PHLPP1: variants seen among roughly 807,000 people sequenced by gnomAD.
PHLPP1 encodes the protein PH domain leucine-rich repeat-containing protein phosphatase 1.
PHLPP1 carries 42 observed loss-of-function variants against 117.2 expected under a neutral mutation model. The ratio of observed to expected loss-of-function variants is 0.36; its 90% CI spans 0.28 to 0.46. PHLPP1 has a LOEUF of 0.46. PHLPP1 is among the 20% of genes least tolerant of loss of function. PHLPP1 has a pLI of 1.00. For missense variants in PHLPP1, 2,084 were observed against 2,241.9 expected, an observed-to-expected ratio of 0.93 and a Z score of 1.42; for synonymous variants, 1,042 against 970.7, an observed-to-expected ratio of 1.07 and a Z score of -1.37.
At chr18:62,840,540 T>G (rs1438013724) in intron 3 of PHLPP1, among the ~76,000 whole-genome samples, 1 of 152,252 alleles carries the variant, frequency 6.6e-6, no homozygotes, top group East Asian at 1.9e-4. Context: ...ATCATTTTTA[T>G]TGTGCTTTTG....
chr18:62,883,904 G>C (rs902397618), intron 4 of PHLPP1, among the ~76,000 whole-genome samples: 1 of 152,082 alleles, frequency 6.6e-6, no homozygotes, highest in Admixed American at 6.5e-5. Flanking sequence ...AAAAATCTTT[G>C]AATTTTCAGA....
intron 14 of PHLPP1, among the ~76,000 whole-genome samples, chr18:62,965,122 G>A (rs1403830139): frequency 1.3e-5 from 2 of 152,136 alleles, no homozygotes; most frequent in Non-Finnish European, 2.9e-5. Flanking sequence ...AGTAGTCCCA[G>A]GCTATGCTTG....
chr18:62,849,818 A>T lies in PHLPP1; in HGVS notation c.1900-10617A>T, dbSNP rs1428302709. ...TCTACAAAAAAAAAAAAAAAAAAAA[A>T]AAAAAAAAAAAAAAATATATATATC... On this transcript the variant is annotated intron_variant, in intron 3 of 16. Transcript: ENST00000262719. Among the ~76,000 whole-genome samples the T allele has an allele frequency of 3.7e-3, 166 of 45,012 alleles. 2 individuals carry two copies. Among genetic ancestry groups the T allele is most frequent in the African/African-American group, 0.014 (153 of 11,156 alleles). 29.5% of individuals were successfully genotyped at this position (45,012 alleles called of 152,430 possible).
intron 4 of PHLPP1, among the ~76,000 whole-genome samples, chr18:62,870,780 A>G (rs1305575829): frequency 6.6e-6 from 1 of 152,234 alleles, no homozygotes. Context: ...ATTTGCACCA[A>G]CATTCTAAAT....
At chr18:62,912,311 A>G (rs932759153) in intron 8 of PHLPP1, among the ~76,000 whole-genome samples, 1 of 146,856 alleles carries the variant, frequency 6.8e-6, no homozygotes, top group African/African-American at 2.5e-5. Context: ...ATAAAAAAAA[A>G]AAATTAAAAA....
At position 62,895,882 on chromosome 18, in the gene PHLPP1, T is replaced by G. The variant is rs137922940; in HGVS notation, c.2315T>G (p.Phe772Cys). The G allele has an allele frequency of 1.2e-6, 2 of 1,613,232 alleles. No individual in the cohort carries two copies. The highest frequency in any genetic ancestry group is 1.3e-5 in the African/African-American group (1 of 75,046). ...LSYLGLSFNE[F>C]TDIPEVLEKL... ...TATCTGGGTCTTTCTTTCAATGAAT[T>G]TACTGACATTCCCGAAGTATTGGAG... Residue 772 changes from phenylalanine to cysteine, a missense_variant, in exon 6 of 17, where the codon TTT becomes TGT. Phe to Cys is a radical substitution (Grantham distance 205). Coordinates refer to ENST00000262719, the MANE Select transcript of PHLPP1 (RefSeq NM_194449.4).
chr18:62,971,951 G>A (rs548895849), intron 14 of PHLPP1, among the ~76,000 whole-genome samples: 7 of 152,134 alleles, frequency 4.6e-5, no homozygotes, highest in South Asian at 4.2e-4. Context: ...TGGGAGAATC[G>A]CTTGAGCCCT....
At chr18:62,766,105 A>ATATATTATATATATATATATT (rs1400280407) in intron 1 of PHLPP1, among the ~76,000 whole-genome samples, 2 of 59,480 alleles carry the variant, frequency 3.4e-5, no homozygotes, top group Non-Finnish European at 3.6e-5. Context: ...ATATATATAA[A>ATATATTATATATATATATATT]ATATATATAT....
intron 2 of PHLPP1, among the ~76,000 whole-genome samples, chr18:62,831,342 CTT>C (rs11293256): frequency 4.4e-4 from 63 of 143,190 alleles, no homozygotes; most frequent in African/African-American, 1.1e-3. Flanking sequence ...TTTTCTTTTT[CTT>C]TTTTTTTTTT....
chr18:62,855,095 G>T (rs1387097503), intron 3 of PHLPP1, among the ~76,000 whole-genome samples: 2 of 152,030 alleles, frequency 1.3e-5, no homozygotes, highest in African/African-American at 4.8e-5. Context: ...TACTGCACAG[G>T]GTATTGGGAA....
intron 1 of PHLPP1, among the ~76,000 whole-genome samples, chr18:62,722,506 C>A (rs1375296139): frequency 6.6e-6 from 1 of 151,184 alleles, no homozygotes; most frequent in Non-Finnish European, 1.5e-5. Flanking sequence ...CTTTTTTTTT[C>A]TTTAAAGTTC....
In PHLPP1 at chr18:62,921,234, A is replaced by G. The variant is rs969817398; in HGVS notation, c.2960+1120A>G. On this transcript the variant is annotated intron_variant, in intron 10 of 16. Transcript: ENST00000262719. ...GGGAGTGACCATTACTTTAGAGACA[A>G]TATGAAGGATCTAACTTTTAGTGTA... 2.6e-5 allele frequency among the ~76,000 whole-genome samples: 4 copies of G among 152,258 alleles called. No individual in the cohort carries two copies. In the East Asian group the frequency reaches 5.8e-4, roughly 22 times the overall value.
chr18:62,738,929 C>T (rs1022605419), intron 1 of PHLPP1, among the ~76,000 whole-genome samples: 7 of 152,176 alleles, frequency 4.6e-5, no homozygotes, highest in Admixed American at 4.6e-4. Flanking sequence ...TTTTATATGT[C>T]TGGATGACTT....
chr18:62,894,242 C>G (rs1243820141), intron 4 of PHLPP1, among the ~76,000 whole-genome samples: 1 of 152,172 alleles, frequency 6.6e-6, no homozygotes, highest in African/African-American at 2.4e-5. Flanking sequence ...GTCGCCCAGG[C>G]TACATTCCAG....
At chr18:62,875,041 G>A (rs1484338291) in intron 4 of PHLPP1, among the ~76,000 whole-genome samples, 2 of 152,128 alleles carry the variant, frequency 1.3e-5, no homozygotes, top group Non-Finnish European at 2.9e-5. Context: ...TGCAACTTCC[G>A]CCTCCCGGGT....
chr18:62,878,931 T>C (rs957636874), intron 4 of PHLPP1, among the ~76,000 whole-genome samples: 1 of 152,216 alleles, frequency 6.6e-6, no homozygotes, highest in African/African-American at 2.4e-5. Context: ...GCTCTGTGAT[T>C]AGACTTTAAG....
At chr18:62,927,193 CCAAA>C (rs1377467829) in intron 10 of PHLPP1, among the ~76,000 whole-genome samples, 2 of 152,246 alleles carry the variant, frequency 1.3e-5, no homozygotes, top group South Asian at 2.1e-4. Flanking sequence ...CCTACTCAGT[CCAAA>C]CAAAGAGATC....
At chr18:62,889,085 G>T (rs1916352068) in intron 4 of PHLPP1, among the ~76,000 whole-genome samples, 2 of 152,182 alleles carry the variant, frequency 1.3e-5, no homozygotes, top group Admixed American at 6.5e-5. Context: ...AAGGCTAAGG[G>T]TTAGTTACCA....
Position 62,716,811 on chromosome 18 carries a change from G to C in PHLPP1, c.1128G>C (p.Ser376=), listed in dbSNP as rs1910758898. 7 of 1,526,456 alleles carry C rather than the reference G, an allele frequency of 4.6e-6. No homozygotes were observed. Among genetic ancestry groups the C allele is most frequent in the African/African-American group, 1.4e-5 (1 of 70,686 alleles). 94.6% of individuals were successfully genotyped at this position (1,526,456 alleles called of 1,614,324 possible). Residue 376 remains serine, a synonymous_variant, in exon 1 of 17, where the codon TCG becomes TCC. Transcript: ENST00000262719. The surrounding 1 kb of genome is among the most constrained non-coding windows in gnomAD (Gnocchi z 5.7). Reference sequence around the variant, plus strand: ...GCGGCGGCGGCTCCTCGTCGTCGTCGGAAGAGCTCGAGGCCGACGCAGCCT... The same window carrying C: ...GCGGCGGCGGCTCCTCGTCGTCGTCCGAAGAGCTCGAGGCCGACGCAGCCT... The part of the protein sequence containing the change: ...YSSGGGSSSS[S]EELEADAASA...
Sources: gnomAD v4.1 joint callset for allele counts (sites outside exome capture counted in the v4.1 genomes callset) on GRCh38, gnomAD v4.1.1 for gene constraint, Gnocchi (gnomAD v3.1) non-coding constraint, MANE v1.5 for transcripts, NCBI Gene and HGNC (gene_info 2026-07-23, HGNC 2026-07-21) for gene names.